The following KCNC4 variants were observed in gnomAD, a reference collection of about 807,000 sequenced individuals.
KCNC4 encodes the protein potassium voltage-gated channel subfamily C member 4.
In KCNC4, 23 loss-of-function variants were observed where a neutral mutation model predicts 42.8. The ratio of observed to expected loss-of-function variants is 0.54; its 90% confidence interval spans 0.39 to 0.76. The LOEUF (loss-of-function observed/expected upper bound fraction) is 0.76. Ranked by LOEUF, KCNC4 falls within the 30% of genes least tolerant of loss-of-function variation. The pLI, the probability that KCNC4 is intolerant of heterozygous loss-of-function variation, is 0.00. For synonymous variants in KCNC4, 422 were observed against 393.5 expected, an observed-to-expected ratio of 1.07 and a Z score of -0.86; for missense variants, 751 against 898.2, an observed-to-expected ratio of 0.84 and a Z score of 2.10.
At chr1:110,222,081 G>A (rs563502344) in intron 1 of KCNC4, 6 of 152,206 alleles carry the variant, frequency 3.9e-5, no homozygotes, top group Non-Finnish European at 8.8e-5. Context: ...TTTCTTTGGA[G>A]CTCAGAGTTC....
rs1449699803 is a variant in KCNC4, at chr1:110,211,413, T to C, written c.-87T>C. Reference sequence around the variant, plus strand: ...CGCCTCCTGCCTCCTCTTCGTCTCCTCCCCCTCCCCCGTCTGACGCTGCCT... The same window carrying C: ...CGCCTCCTGCCTCCTCTTCGTCTCCCCCCCCTCCCCCGTCTGACGCTGCCT... On this transcript the variant is annotated 5_prime_UTR_variant, in exon 1 of 4. Coordinates refer to ENST00000438661, the MANE Select transcript of KCNC4 (RefSeq NM_001039574.3). This position sits in a 1 kb window ranked among gnomAD's most constrained non-coding sequence, Gnocchi z 6.5. 4.7e-6 allele frequency: 7 copies of C among 1,483,002 alleles called. No individual in the cohort carries two copies. The highest frequency in any genetic ancestry group is 2.3e-4 in the Middle Eastern group (1 of 4,260). 91.9% of individuals were successfully genotyped at this position (1,483,002 alleles called of 1,614,324 possible).
chr1:110,249,835 A>C (rs534726677), downstream of KCNC4, among the ~76,000 whole-genome samples: 1 of 152,268 alleles, frequency 6.6e-6, no homozygotes, highest in South Asian at 2.1e-4. Context: ...ATAGCCATCC[A>C]TCTCCAGAAC....
Position 110,210,680 on chromosome 1 carries a change from G to A in KCNC4, c.-820G>A, listed in dbSNP as rs992546800. 1.3e-5 allele frequency among the ~76,000 whole-genome samples: 2 copies of A among 151,014 alleles called. No homozygotes were observed. The highest frequency in any genetic ancestry group is 4.9e-5 in the African/African-American group (2 of 41,224). On this transcript the variant is annotated 5_prime_UTR_variant, in exon 1 of 4. Coordinates refer to ENST00000438661, the MANE Select transcript of KCNC4 (RefSeq NM_001039574.3). ...GGCTCGGCGCCGCGCAGGACGCCCCGTCTGAGGCACCCCCGCCCCAGCGCG... is the reference window on the plus strand; with the variant it reads ...GGCTCGGCGCCGCGCAGGACGCCCCATCTGAGGCACCCCCGCCCCAGCGCG...
chr1:110,273,773 T>C (rs891162380), intron 1 of KCNC4, among the ~76,000 whole-genome samples: 2 of 152,326 alleles, frequency 1.3e-5, no homozygotes, highest in East Asian at 1.9e-4. Flanking sequence ...CTGGAACTTA[T>C]AGATAAAGCC....
At chr1:110,212,279 C>T in intron 1 of KCNC4, 102 bp downstream of exon 1, 1 of 1,221,212 alleles carries the variant, frequency 8.2e-7, no homozygotes, top group Non-Finnish European at 1.1e-6. Context: ...CCTGACTTAC[C>T]TTACCACCGC....
chr1:110,211,354 A>C lies in KCNC4; in HGVS notation c.-146A>C. On this transcript the variant is annotated 5_prime_UTR_variant, in exon 1 of 4. Transcript: ENST00000438661. This position sits in a 1 kb window ranked among gnomAD's most constrained non-coding sequence, Gnocchi z 6.5. ...CGCTCCGCGTCCTAGGGGGATAGGC[A>C]GGGGCAAGCCCAAGCCGCAGAGGGG... The C allele has an allele frequency of 1.7e-6, 2 of 1,206,102 alleles. No homozygotes were observed. Among genetic ancestry groups the C allele is most frequent in the Non-Finnish European group, 2.3e-6 (2 of 880,300 alleles). The allele number at this position is 1,206,102 out of a possible 1,614,324, so 74.7% of individuals were successfully genotyped here.
At chr1:110,277,422 C>T (rs923302307) in intron 1 of KCNC4, among the ~76,000 whole-genome samples, 15 of 152,138 alleles carry the variant, frequency 9.9e-5, no homozygotes, top group African/African-American at 3.6e-4. Flanking sequence ...ATGGACAGCC[C>T]ACCACATTTC....
chr1:110,250,899 A>G (rs1659239280), downstream of KCNC4, among the ~76,000 whole-genome samples: 2 of 152,164 alleles, frequency 1.3e-5, no homozygotes, highest in South Asian at 4.1e-4. Context: ...CCTCAAGCCC[A>G]TGGACTGCCT....
rs1352080352 is a variant in KCNC4 at position 110,222,946 on chromosome 1, C to T, written c.679-18C>T. The T allele has an allele frequency of 1.3e-6, 2 of 1,595,842 alleles. No individual in the cohort carries two copies. The highest frequency in any genetic ancestry group is 1.7e-6 in the Non-Finnish European group (2 of 1,165,026). Reference sequence around the variant, plus strand: ...CCCTGTCTGACAGCTGCCCCCTGCTCTCCTCCCCTGCCCATAGGTAGTGGC... The same window carrying T: ...CCCTGTCTGACAGCTGCCCCCTGCTTTCCTCCCCTGCCCATAGGTAGTGGC... On this transcript the variant is annotated intron_variant, in intron 1 of 3. Transcript: ENST00000438661.
chr1:110,231,726 T>C (rs1658703901), intron 3 of KCNC4, among the ~76,000 whole-genome samples: 1 of 152,174 alleles, frequency 6.6e-6, no homozygotes, highest in South Asian at 2.1e-4. Context: ...AATGGGGCTC[T>C]GAAGAACCCT....
chr1:110,274,752 A>G (rs547180853), intron 1 of KCNC4, among the ~76,000 whole-genome samples: 125 of 152,366 alleles, frequency 8.2e-4, no homozygotes, highest in African/African-American at 2.9e-3. Context: ...CAACAAAAAT[A>G]TACACGAGGG....
Position 110,223,720 on chromosome 1 carries a change from T to A in KCNC4, c.1435T>A (p.Tyr479Asn). ...PVIVNNFGMY[Y>N]SLAMAKQKLP... ...CATCGTCAACAACTTCGGCATGTAC[T>A]ACTCCCTGGCCATGGCCAAGCAGAA... The change falls in exon 2 of 4, where the codon TAC becomes AAC. Residue 479 changes from tyrosine to asparagine, a missense_variant. Physicochemically the swap from Tyr to Asn is moderately radical, Grantham distance 143 (BLOSUM62 -2). Transcript: ENST00000438661. The surrounding 1 kb of genome is among the most constrained non-coding windows in gnomAD (Gnocchi z 7.5). The A allele has an allele frequency of 6.2e-7, 1 of 1,614,110 alleles. No individual in the cohort carries two copies. Among genetic ancestry groups the A allele is most frequent in the Non-Finnish European group, 8.5e-7 (1 of 1,180,024 alleles).
chr1:110,266,381 C>T (rs139094962), intron 1 of KCNC4, among the ~76,000 whole-genome samples: 7 of 152,274 alleles, frequency 4.6e-5, no homozygotes, highest in African/African-American at 1.7e-4. Flanking sequence ...AAATCCAGCC[C>T]CAGGACATCA....
chr1:110,210,339 C>A lies in KCNC4; in HGVS notation c.-1161C>A, dbSNP rs1281285322. On this transcript the variant is annotated 5_prime_UTR_variant, in exon 1 of 4. Transcript: ENST00000438661. ...ACTGGGGCGTGGCGGCCGCTGCCAG[C>A]GCCGGAGGGAGACCATGAGCCCCTA... Among the ~76,000 whole-genome samples the A allele has an allele frequency of 2.6e-5, 4 of 151,618 alleles. No individual in the cohort carries two copies. The highest frequency in any genetic ancestry group is 9.7e-5 in the African/African-American group (4 of 41,350).
intron 1 of KCNC4, among the ~76,000 whole-genome samples, chr1:110,214,152 GACATGGAATC>G (rs1657654621): frequency 6.6e-6 from 1 of 152,250 alleles, no homozygotes. Context: ...TTGCCCCTTT[GACATGGAATC>G]ACATCAGCCC....
intron 1 of KCNC4, among the ~76,000 whole-genome samples, chr1:110,266,392 C>T (rs374066999): frequency 3.9e-5 from 6 of 152,198 alleles, no homozygotes; most frequent in African/African-American, 1.4e-4. Flanking sequence ...CAGGACATCA[C>T]TTTCCTAATG....
chr1:110,216,482 C>T (rs949700946), intron 1 of KCNC4, among the ~76,000 whole-genome samples: 1 of 152,224 alleles, frequency 6.6e-6, no homozygotes, highest in African/African-American at 2.4e-5. Flanking sequence ...TTCTCTTGTT[C>T]TGAACAGATC....
At chr1:110,254,889 G>C (rs1253169743) in intron 1 of KCNC4, among the ~76,000 whole-genome samples, 1 of 152,162 alleles carries the variant, frequency 6.6e-6, no homozygotes, top group Non-Finnish European at 1.5e-5. Flanking sequence ...AGCAGTTGTA[G>C]CAATGCCATT....
At chr1:110,227,076 C>T (rs1658435682) in intron 3 of KCNC4, among the ~76,000 whole-genome samples, 1 of 152,206 alleles carries the variant, frequency 6.6e-6, no homozygotes, top group South Asian at 2.1e-4. Flanking sequence ...CAATGTTCTA[C>T]CTCTTTCTAG....
Sources: gnomAD v4.1 joint callset for allele counts (sites outside exome capture counted in the v4.1 genomes callset) on GRCh38, gnomAD v4.1.1 for gene constraint, Gnocchi (gnomAD v3.1) non-coding constraint, MANE v1.5 for transcripts, NCBI Gene and HGNC (gene_info 2026-07-23, HGNC 2026-07-21) for gene names.